Variants in MUTYH observed in about 807,000 individuals in gnomAD.
The protein encoded by MUTYH is mutY DNA glycosylase, also known as adenine DNA glycosylase.
MUTYH carries 64 observed loss-of-function variants against 72.9 expected under a neutral mutation model. The ratio of observed to expected loss-of-function variants is 0.88; its 90% CI spans 0.72 to 1.08. The LOEUF is 1.08. MUTYH is among the 50% of genes least tolerant of loss of function. The pLI, the probability that MUTYH is intolerant of heterozygous loss-of-function variation, is 0.00. For synonymous variants in MUTYH, 234 were observed against 263.1 expected (o/e 0.89, Z 1.07); for missense variants, 633 against 671.0 (o/e 0.94, Z 0.63).
Position 45,331,787 on chromosome 1 carries a change from C to T in MUTYH, c.976G>A (p.Gly326Arg). The stretch of plus-strand genomic sequence containing the variant: ...GCCTTTCTGGGGAAGTTGACCACTC[C>T]CAGGGTCTGGTCCCAGGGCTCCGAG... ...PPSEPWDQTL[G>R]VVNFPRKASR... is the part of the protein sequence containing the mutation. The change falls in exon 12 of 16, where the codon GGA becomes AGA. Residue 326 changes from glycine (G) to arginine (R), a missense_variant. By Grantham distance (125) the Gly-to-Arg change is moderately radical. Coordinates refer to ENST00000456914, the MANE Select transcript of MUTYH (RefSeq NM_001048174.2). The T allele has an allele frequency of 6.2e-7, 1 of 1,613,342 alleles. No homozygotes were observed. The highest frequency in any genetic ancestry group is 1.7e-4 in the Middle Eastern group (1 of 6,052).
Position 45,331,783 on chromosome 1 carries a change from A to G in MUTYH, c.980T>C (p.Val327Ala). The change falls in exon 12 of 16, where the codon GTG becomes GCG. Residue 327 changes from valine to alanine, a missense_variant. By Grantham distance (64) the Val-to-Ala change is moderately conservative. Coordinates refer to ENST00000456914, the MANE Select transcript of MUTYH (RefSeq NM_001048174.2). ...GCTGGCCTTTCTGGGGAAGTTGACC[A>G]CTCCCAGGGTCTGGTCCCAGGGCTC... The part of the protein sequence containing the change: ...PSEPWDQTLG[V>A]VNFPRKASRK... 1.2e-6 allele frequency: 2 copies of G among 1,613,086 alleles called. No individual in the cohort carries two copies. Among genetic ancestry groups the G allele is most frequent in the Non-Finnish European group, 1.7e-6 (2 of 1,179,570 alleles).
intron 15 of MUTYH, 85 bp from the exon 16 acceptor site, chr1:45,329,522 G>T (rs528450682): frequency 7.8e-6 from 12 of 1,538,406 alleles, no homozygotes; most frequent in Non-Finnish European, 9.8e-6. Context: ...CCCTTTCCCC[G>T]ACTCTACTGA....
intron 1 of MUTYH, among the ~76,000 whole-genome samples, chr1:45,338,998 G>A (rs1010559386): frequency 8.6e-5 from 13 of 151,936 alleles, no homozygotes; most frequent in Non-Finnish European, 1.8e-4. Flanking sequence ...AACTCCTAGG[G>A]TCAAGCGATC....
Position 45,333,613 on chromosome 1 carries a change from A to C in MUTYH, c.116-52T>G, listed in dbSNP as rs1557488140. 6.2e-7 allele frequency: 1 copy of C among 1,601,356 alleles called. No individual in the cohort carries two copies. The highest frequency in any genetic ancestry group is 8.5e-7 in the Non-Finnish European group (1 of 1,172,602). ...ATCATCCCTGCACAGGCTGTGCATC[A>C]GGGTCTTGGGACACAGCAGCCTGTG... On this transcript the variant is annotated intron_variant, in intron 2 of 15. Transcript: ENST00000456914.
chr1:45,331,560 A>T lies in MUTYH; in HGVS notation c.1103-4T>A, dbSNP rs1570377661. 6.2e-7 allele frequency: 1 copy of T among 1,613,852 alleles called. No homozygotes were observed. The highest frequency in any genetic ancestry group is 8.5e-7 in the Non-Finnish European group (1 of 1,180,014). ...TCCCACAGTCCTGCCAGCAGACCTGAGAGGGAGGGCAGCCAGGCAGGGGTC... is the reference window on the plus strand; with the variant it reads ...TCCCACAGTCCTGCCAGCAGACCTGTGAGGGAGGGCAGCCAGGCAGGGGTC... On this transcript the variant is annotated splice_region_variant and splice_polypyrimidine_tract_variant and intron_variant, in intron 12 of 15. Coordinates refer to ENST00000456914, the MANE Select transcript of MUTYH (RefSeq NM_001048174.2).
intron 1 of MUTYH, among the ~76,000 whole-genome samples, chr1:45,336,104 T>C (rs1423957048): frequency 1.3e-5 from 2 of 152,228 alleles, no homozygotes; most frequent in Non-Finnish European, 2.9e-5. Context: ...TATTAACAAG[T>C]CAACCTCTGT....
In MUTYH at chr1:45,333,142, C is replaced by A; in HGVS notation, c.333G>T (p.Gln111His). The change falls in exon 5 of 16, where the codon CAG (glutamine) becomes CAT (histidine). Residue 111 changes from glutamine to histidine, a missense_variant. Physicochemically the swap from Gln to His is conservative, Grantham distance 24 (BLOSUM62 0). Coordinates refer to ENST00000456914, the MANE Select transcript of MUTYH (RefSeq NM_001048174.2). ...AGTTGATCACAGTGGCAACCTGGGT[C>A]TGCTGCAGCATGACCTCTGAGACCC... ...AVWVSEVMLQ[Q>H]TQVATVINYY... 1 of 1,613,994 alleles carries A rather than the reference C, an allele frequency of 6.2e-7. No individual in the cohort carries two copies.
At position 45,331,430 on chromosome 1, in the gene MUTYH, T is replaced by C. The variant is rs761084380; in HGVS notation, c.1229A>G (p.His410Arg). Residue 410 changes from histidine (H) to arginine (R), a missense_variant, in exon 13 of 16, where the codon CAC (histidine) becomes CGC (arginine). His to Arg is a conservative substitution (Grantham distance 29, BLOSUM62 0). Transcript: ENST00000456914. Reference sequence around the variant, plus strand: ...CCGCTGCTCACTTACCTCCCCAAGGTGCCGGAGGTGCGTGGCTGGGAGGGG... The same window carrying C: ...CCGCTGCTCACTTACCTCCCCAAGGCGCCGGAGGTGCGTGGCTGGGAGGGG... ...AGPLPATHLR[H>R]LGEVVHTFSH... 6.2e-7 allele frequency: 1 copy of C among 1,614,204 alleles called. No individual in the cohort carries two copies. Among genetic ancestry groups the C allele is most frequent in the East Asian group, 2.2e-5 (1 of 44,882 alleles).
intron 14 of MUTYH, among the ~76,000 whole-genome samples, 166 bp downstream of exon 14, chr1:45,331,016 T>C (rs187620470): frequency 6.6e-6 from 1 of 151,978 alleles, no homozygotes; most frequent in Non-Finnish European, 1.5e-5. Flanking sequence ...ACCCGGGAGA[T>C]GGAGGTTGCA....
In MUTYH at chr1:45,332,279, GGGC is replaced by G; in HGVS notation, c.733_735del (p.Ala245del). 1 of 1,614,042 alleles carries G rather than the reference GGGC, an allele frequency of 6.2e-7. No individual in the cohort carries two copies. Among genetic ancestry groups the G allele is most frequent in the Non-Finnish European group, 8.5e-7 (1 of 1,179,972 alleles). ...GCTGCTTGGTTGAAATCTCCTGGCC[GGGC>G]TGGGTCCACCAGCTGCTGGGCTAGA... On this transcript the variant is annotated inframe_deletion, in exon 10 of 16. Transcript: ENST00000456914.
Position 45,333,413 on chromosome 1 carries a change from C to T in MUTYH, c.264G>A (p.Arg88=), listed in dbSNP as rs1292833913. ...CTGTCCCTGCTCCTCGCCTGCCTACCCGTCTTCTCCATGGTAGGTCCCGTT... is the reference window on the plus strand; with the variant it reads ...CTGTCCCTGCTCCTCGCCTGCCTACTCGTCTTCTCCATGGTAGGTCCCGTT... ...QEKRDLPWRR[R]AEDEMDLDRR... is the part of the protein sequence containing the mutation. The change falls in exon 3 of 16, where the codon CGG becomes CGA. Residue 88 remains arginine (R), a splice_region_variant and synonymous_variant. Transcript: ENST00000456914. The T allele has an allele frequency of 6.2e-7, 1 of 1,614,218 alleles. No individual in the cohort carries two copies. The highest frequency in any genetic ancestry group is 1.1e-5 in the South Asian group (1 of 91,080).
At chr1:45,329,703 C>T (rs530752895) in intron 15 of MUTYH, among the ~76,000 whole-genome samples, 9 of 152,274 alleles carry the variant, frequency 5.9e-5, no homozygotes, top group Admixed American at 1.3e-4. Context: ...GGCTCACACC[C>T]TGACTGACCC....
intron 15 of MUTYH, among the ~76,000 whole-genome samples, 199 bp downstream of exon 15, chr1:45,330,317 A>G (rs1328315249): frequency 6.6e-6 from 1 of 150,794 alleles, no homozygotes; most frequent in Non-Finnish European, 1.5e-5. Context: ...CACCTGTGAC[A>G]CTGGAGAGTC....
chr1:45,331,603 T>A (rs1234982921), intron 12 of MUTYH, 47 bp from the exon 13 acceptor site: 7 of 1,613,328 alleles, frequency 4.3e-6, no homozygotes, highest in Non-Finnish European at 5.9e-6. Context: ...AGCTGCCGAT[T>A]CCCTCCATTC....
rs1644769032 is a variant in MUTYH at position 45,331,217 on chromosome 1, A to G, written c.1357T>C (p.Phe453Leu). The change falls in exon 14 of 16, where the codon TTT (phenylalanine) becomes CTT (leucine). Residue 453 changes from phenylalanine to leucine, a missense_variant. Coordinates refer to ENST00000456914, the MANE Select transcript of MUTYH (RefSeq NM_001048174.2). ...PGARWLTQEEFHTAAVSTAMK... is the reference protein window; with the variant it reads ...PGARWLTQEELHTAAVSTAMK... Reference sequence around the variant, plus strand: ...GCGGTGGAAACAGCTGCGGTGTGAAATTCCTCCTGCGTCAGCCAGCGAGCA... The same window carrying G: ...GCGGTGGAAACAGCTGCGGTGTGAAGTTCCTCCTGCGTCAGCCAGCGAGCA... 6.2e-7 allele frequency: 1 copy of G among 1,614,082 alleles called. No individual in the cohort carries two copies. The highest frequency in any genetic ancestry group is 8.5e-7 in the Non-Finnish European group (1 of 1,180,046).
chr1:45,334,163 C>T lies in MUTYH; in HGVS notation c.115+228G>A, dbSNP rs76556440. The T allele has an allele frequency of 7.5e-4, 384 of 513,902 alleles. 4 individuals carry two copies. The East Asian group carries it at 0.011, about 15-fold the overall frequency. The allele number at this position is 513,902 out of a possible 1,614,324, so 31.8% of individuals were successfully genotyped here. On this transcript the variant is annotated intron_variant, in intron 2 of 15. Transcript: ENST00000456914. ...CTGGGACTACAGACGCTCACCACCA[C>T]GCGAGCATAGAGAGGGGATTTCGCC...
chr1:45,339,584 T>C (rs1035136860), intron 1 of MUTYH: 11 of 339,490 alleles, frequency 3.2e-5, no homozygotes, highest in African/African-American at 1.5e-4. Flanking sequence ...AATTTGTCCC[T>C]TCCTCGCCAT....
chr1:45,333,471 CG>C lies in MUTYH; in HGVS notation c.205del (p.Arg69GlufsTer5). 6.2e-7 allele frequency: 1 copy of C among 1,614,218 alleles called. No homozygotes were observed. The highest frequency in any genetic ancestry group is 8.5e-7 in the Non-Finnish European group (1 of 1,180,026). On this transcript the variant is annotated frameshift_variant, in exon 3 of 16. Coordinates refer to ENST00000456914, the MANE Select transcript of MUTYH (RefSeq NM_001048174.2). LOFTEE classifies it high-confidence loss of function. Reference protein sequence around the residue: ...FRDVAEVTAFRGSLLSWYDQE... With the variant: ...FRDVAEVTAFXGSLLSWYDQE... ...GTCGTACCAGCTTAGCAGGCTCCCT[CG>C]GAAGGCTGTGACTTCAGCTACGTCT...
rs1060501341 is a variant in MUTYH, at chr1:45,331,414, A to G, written c.1239+6T>C. The G allele has an allele frequency of 1.2e-6, 2 of 1,614,236 alleles. No individual in the cohort carries two copies. The highest frequency in any genetic ancestry group is 8.5e-7 in the Non-Finnish European group (1 of 1,180,036). The stretch of plus-strand genomic sequence containing the variant: ...AACATCCTTGGCTATTCCGCTGCTC[A>G]CTTACCTCCCCAAGGTGCCGGAGGT... On this transcript the variant is annotated splice_donor_region_variant and intron_variant, in intron 13 of 15. Transcript: ENST00000456914.
Sources: allele counts gnomAD v4.1 joint callset (sites outside exome capture counted in the v4.1 genomes callset), GRCh38; gene constraint gnomAD v4.1.1; transcripts MANE v1.5; gene names NCBI Gene and HGNC (gene_info 2026-07-23, HGNC 2026-07-21).